Variants in UNC5C observed in about 807,000 individuals in gnomAD.
UNC5C encodes unc-5 netrin receptor C.
UNC5C carries 47 observed loss-of-function variants against 99.8 expected under a neutral mutation model. The observed-to-expected ratio is 0.47, with a 90% CI of 0.37 to 0.60. The LOEUF (loss-of-function observed/expected upper bound fraction) is 0.60, where lower values mean the gene tolerates loss of function less well. Among genes scored for constraint, UNC5C ranks in the 20% least tolerant of loss-of-function variants. The pLI, the probability that UNC5C is intolerant of heterozygous loss-of-function variation, is 0.00. For synonymous variants in UNC5C, 487 were observed against 452.2 expected (o/e 1.08, Z -0.98); for missense variants, 1,062 against 1,165.9 (o/e 0.91, Z 1.30).
intron 4 of UNC5C, among the ~76,000 whole-genome samples, chr4:95,266,005 G>A (rs1401493596): frequency 6.6e-6 from 1 of 152,130 alleles, no homozygotes; most frequent in Non-Finnish European, 1.5e-5. Context: ...CTACCTAAAT[G>A]TATTTTAAAC....
At chr4:95,285,140 C>A (rs890441421) in intron 3 of UNC5C, among the ~76,000 whole-genome samples, 6 of 152,110 alleles carry the variant, frequency 3.9e-5, no homozygotes, top group Non-Finnish European at 8.8e-5. Context: ...TATTATCTCA[C>A]CAAAGGTACT....
chr4:95,215,216 A>G (rs1217495655), intron 10 of UNC5C, among the ~76,000 whole-genome samples: 1 of 152,256 alleles, frequency 6.6e-6, no homozygotes, highest in Non-Finnish European at 1.5e-5. Flanking sequence ...ATGATAACCT[A>G]GTTCTGCATT....
intron 2 of UNC5C, among the ~76,000 whole-genome samples, chr4:95,325,470 A>G (rs1742850280): frequency 6.6e-6 from 1 of 152,100 alleles, no homozygotes; most frequent in Non-Finnish European, 1.5e-5. Flanking sequence ...CTTGATGATC[A>G]TTTTGCTTGT....
At chr4:95,174,857 A>G (rs1240406192) in intron 14 of UNC5C, among the ~76,000 whole-genome samples, 30 of 149,754 alleles carry the variant, frequency 2.0e-4, no homozygotes, top group Admixed American at 9.5e-4. Context: ...AAAATCTCCC[A>G]TTATTAATGT....
At chr4:95,285,724 T>G (rs2149397289) in intron 3 of UNC5C, among the ~76,000 whole-genome samples, 1 of 152,324 alleles carries the variant, frequency 6.6e-6, no homozygotes, top group Middle Eastern at 3.4e-3. Context: ...TTAAAAAGTG[T>G]GAAACTGAAT....
At chr4:95,497,367 T>C (rs1340994532) in intron 1 of UNC5C, among the ~76,000 whole-genome samples, 5 of 151,982 alleles carry the variant, frequency 3.3e-5, no homozygotes, top group Admixed American at 2.6e-4. Context: ...ATATGCTATA[T>C]AAGCCATTTA....
chr4:95,545,765 C>T (rs1009306875), intron 1 of UNC5C, among the ~76,000 whole-genome samples: 10 of 137,118 alleles, frequency 7.3e-5, no homozygotes, highest in Admixed American at 6.9e-5. Context: ...CACACACGCG[C>T]GCGCGCGCAC....
intron 3 of UNC5C, among the ~76,000 whole-genome samples, chr4:95,300,342 T>C (rs1027976803): frequency 3.3e-5 from 5 of 152,202 alleles, no homozygotes; most frequent in Admixed American, 3.3e-4. Context: ...ATGAAGCTTC[T>C]ATAACTTTGT....
intron 9 of UNC5C, 28 bp downstream of exon 9, chr4:95,218,941 C>T: frequency 6.5e-7 from 1 of 1,545,726 alleles, no homozygotes. Context: ...CAAGCTGCCT[C>T]TTTGCAATTT....
In UNC5C at chr4:95,380,415, T is replaced by C. The variant is rs575469410; in HGVS notation, c.125-44784A>G. ...TACAATTATTACTACAAATTGCTAT[T>C]TTTCCTCATGTCTAATACTTAAGAA... On this transcript the variant is annotated intron_variant, in intron 1 of 15. Coordinates refer to ENST00000453304, the MANE Select transcript of UNC5C (RefSeq NM_003728.4). Among the ~76,000 whole-genome samples the C allele has an allele frequency of 1.6e-3, 236 of 151,846 alleles. 1 individual carries two copies. Among genetic ancestry groups the C allele is most frequent in the African/African-American group, 5.6e-3 (233 of 41,354 alleles).
chr4:95,536,703 G>A (rs1189921800), intron 1 of UNC5C, among the ~76,000 whole-genome samples: 2 of 152,042 alleles, frequency 1.3e-5, no homozygotes, highest in African/African-American at 4.8e-5. Context: ...ACTTTTAATA[G>A]ATATTTGAGT....
Position 95,236,265 on chromosome 4 carries a change from G to A in UNC5C, c.1108+6164C>T, listed in dbSNP as rs571669874. ...AATACTATGCAGCCATAAAAAGGAT[G>A]AGTTCATGTCCTTTGTAGGGACATG... On this transcript the variant is annotated intron_variant, in intron 7 of 15. Coordinates refer to ENST00000453304, the MANE Select transcript of UNC5C (RefSeq NM_003728.4). Among the ~76,000 whole-genome samples, 4 of 152,256 alleles carry A rather than the reference G, an allele frequency of 2.6e-5. No individual in the cohort carries two copies. In the East Asian group the frequency reaches 7.7e-4, roughly 29 times the overall value.
chr4:95,221,231 A>G (rs1041590173), intron 7 of UNC5C, among the ~76,000 whole-genome samples: 1 of 152,184 alleles, frequency 6.6e-6, no homozygotes, highest in Non-Finnish European at 1.5e-5. Context: ...TGTTCAGCAA[A>G]ATTAATCAAA....
chr4:95,539,380 G>A (rs1043658508), intron 1 of UNC5C, among the ~76,000 whole-genome samples: 3 of 152,132 alleles, frequency 2.0e-5, no homozygotes, highest in African/African-American at 7.2e-5. Context: ...CTGCACTAAT[G>A]AGACAAAAAC....
rs533117104 is a variant in UNC5C, at chr4:95,322,165, A to G, written c.346+13245T>C. Among the ~76,000 whole-genome samples the G allele has an allele frequency of 6.6e-5, 10 of 152,346 alleles. No individual in the cohort carries two copies. The South Asian group carries it at 2.1e-3, about 32-fold the overall frequency. On this transcript the variant is annotated intron_variant, in intron 2 of 15. Coordinates refer to ENST00000453304, the MANE Select transcript of UNC5C (RefSeq NM_003728.4). ...ATTTACTAAAATTTAAGCAAAACCCACATAACTTCCTTTTGAAATTGTTCA... is the reference window on the plus strand; with the variant it reads ...ATTTACTAAAATTTAAGCAAAACCCGCATAACTTCCTTTTGAAATTGTTCA...
intron 3 of UNC5C, among the ~76,000 whole-genome samples, chr4:95,300,472 T>A (rs535038033): frequency 6.6e-6 from 1 of 152,346 alleles, no homozygotes; most frequent in African/African-American, 2.4e-5. Context: ...CAGTGCTGTG[T>A]GTGGTCCAAT....
intron 1 of UNC5C, among the ~76,000 whole-genome samples, chr4:95,529,954 T>G (rs1722600360): frequency 6.6e-6 from 1 of 152,226 alleles, no homozygotes; most frequent in Non-Finnish European, 1.5e-5. Flanking sequence ...TAGGTAATTC[T>G]TGAATCTGTC....
At position 95,542,167 on chromosome 4, in the gene UNC5C, G is replaced by A. The variant is rs185449646; in HGVS notation, c.124+6567C>T. 2.0e-5 allele frequency among the ~76,000 whole-genome samples: 3 copies of A among 152,188 alleles called. No individual in the cohort carries two copies. In the East Asian group the frequency reaches 5.8e-4, roughly 29 times the overall value. ...TAAATCTGAGTAATCAATATCATCT[G>A]TTAATATGATTATTGTGAGCCCTGG... is the stretch of plus-strand genomic sequence containing the variant. On this transcript the variant is annotated intron_variant, in intron 1 of 15. Transcript: ENST00000453304.
intron 2 of UNC5C, among the ~76,000 whole-genome samples, chr4:95,318,550 T>C (rs141263689): frequency 2.4e-4 from 37 of 152,318 alleles, no homozygotes; most frequent in Middle Eastern, 3.4e-3. Context: ...ATGCAGTGTT[T>C]TTCTGGTTTC....
Sources: gnomAD v4.1 joint callset for allele counts (sites outside exome capture counted in the v4.1 genomes callset) on GRCh38, gnomAD v4.1.1 for gene constraint, MANE v1.5 for transcripts, NCBI Gene and HGNC (gene_info 2026-07-23, HGNC 2026-07-21) for gene names.